Variants in PTPRG observed in about 807,000 individuals in gnomAD.
The protein encoded by PTPRG is receptor-type tyrosine-protein phosphatase gamma.
In PTPRG, 102 loss-of-function variants were observed where a neutral mutation model predicts 165.3. The observed-to-expected ratio is 0.62, with a 90% CI of 0.53 to 0.73. PTPRG has a LOEUF of 0.73. Ranked by LOEUF, PTPRG falls within the 30% of genes least tolerant of loss-of-function variation. The pLI is 0.00. For synonymous variants in PTPRG, 675 were observed against 669.5 expected, an observed-to-expected ratio of 1.01 and a Z score of -0.13; for missense variants, 1,866 against 1,861.4, an observed-to-expected ratio of 1.00 and a Z score of -0.05.
At chr3:62,257,039 G>A (rs926971971) in intron 16 of PTPRG, among the ~76,000 whole-genome samples, 2 of 151,172 alleles carry the variant, frequency 1.3e-5, no homozygotes, top group Admixed American at 6.6e-5. Context: ...GAAGGTGAAA[G>A]GGCTGTTGTG....
At chr3:61,791,036 G>GT (rs1188642913) in intron 2 of PTPRG, among the ~76,000 whole-genome samples, 1 of 152,126 alleles carries the variant, frequency 6.6e-6, no homozygotes, top group East Asian at 1.9e-4. Context: ...TCGGTTAACA[G>GT]TTTAAAACAA....
At chr3:61,908,156 G>T (rs1301110904) in intron 2 of PTPRG, among the ~76,000 whole-genome samples, 1 of 144,612 alleles carries the variant, frequency 6.9e-6, no homozygotes, top group South Asian at 2.2e-4. Context: ...AAAATCGGCC[G>T]GGCTCACGCC....
At chr3:61,835,837 T>A (rs1011715020) in intron 2 of PTPRG, among the ~76,000 whole-genome samples, 8 of 151,688 alleles carry the variant, frequency 5.3e-5, no homozygotes, top group African/African-American at 1.7e-4. Flanking sequence ...GGTCAGGAGT[T>A]CGAGATCAGC....
chr3:62,133,796 C>G (rs973988010), intron 6 of PTPRG, among the ~76,000 whole-genome samples: 2 of 151,958 alleles, frequency 1.3e-5, no homozygotes, highest in African/African-American at 4.8e-5. Flanking sequence ...ACCAGCCTGG[C>G]CAACATGGTG....
chr3:61,738,285 TATATATATATATATATATATATATATAC>T lies in PTPRG; in HGVS notation c.86-10568_86-10541del, dbSNP rs1405837906. ...ATATATATATATATATATACATATA[TATATATATATATATATATATATATATAC>T]ATATATATATATATATATATATATG... On this transcript the variant is annotated intron_variant, in intron 1 of 29. Transcript: ENST00000474889. Among the ~76,000 whole-genome samples, 220 of 71,744 alleles carry T rather than the reference TATATATATATATATATATATATATATAC, an allele frequency of 3.1e-3. 5 individuals carry two copies. The highest frequency in any genetic ancestry group is 0.013 in the South Asian group (25 of 1,856). 47.1% of individuals were successfully genotyped at this position (71,744 alleles called of 152,430 possible).
intron 2 of PTPRG, among the ~76,000 whole-genome samples, chr3:61,931,116 C>T (rs1351493178): frequency 2.6e-5 from 4 of 152,142 alleles, no homozygotes; most frequent in Non-Finnish European, 4.4e-5. Context: ...TGCTGTGGTT[C>T]CTGCAGCCTC....
chr3:61,721,971 A>C (rs2032065904), intron 1 of PTPRG, among the ~76,000 whole-genome samples: 1 of 152,170 alleles, frequency 6.6e-6, no homozygotes, highest in Admixed American at 6.5e-5. Context: ...ATGCAGCAAC[A>C]TGAAGTGTTG....
chr3:62,270,968 C>T (rs1437643909), intron 20 of PTPRG, among the ~76,000 whole-genome samples: 1 of 152,038 alleles, frequency 6.6e-6, no homozygotes, highest in Non-Finnish European at 1.5e-5. Flanking sequence ...CACTCTGGCT[C>T]CTAAAGGTCC....
chr3:61,887,119 CATGCATATAT>C (rs1432032460), intron 2 of PTPRG, among the ~76,000 whole-genome samples: 3,830 of 103,026 alleles, frequency 0.037, 285 homozygotes, highest in Middle Eastern at 0.06. Flanking sequence ...ATAACCATAG[CATGCATATAT>C]ATATATATAT....
chr3:62,086,268 T>A (rs1321996584), intron 5 of PTPRG, among the ~76,000 whole-genome samples: 1 of 143,898 alleles, frequency 6.9e-6, no homozygotes, highest in Non-Finnish European at 1.5e-5. Context: ...TCTATCGTGT[T>A]ATGGTTTTAA....
At chr3:62,082,718 G>T (rs1352578540) in intron 5 of PTPRG, among the ~76,000 whole-genome samples, 1 of 152,224 alleles carries the variant, frequency 6.6e-6, no homozygotes, top group Non-Finnish European at 1.5e-5. Context: ...GTCAGTCTCA[G>T]TGCTAAAAGG....
intron 2 of PTPRG, among the ~76,000 whole-genome samples, chr3:61,886,889 G>C (rs1356987453): frequency 2.0e-5 from 3 of 150,608 alleles, no homozygotes; most frequent in African/African-American, 4.9e-5. Context: ...TGCTGTTAGA[G>C]AATTGATCAG....
chr3:62,086,181 G>A (rs1248683403), intron 5 of PTPRG, among the ~76,000 whole-genome samples: 1 of 151,904 alleles, frequency 6.6e-6, no homozygotes, highest in African/African-American at 2.4e-5. Context: ...TTTATTTATG[G>A]TGACCTAAAT....
At chr3:62,269,648 A>G (rs1157239144) in intron 20 of PTPRG, among the ~76,000 whole-genome samples, 1 of 152,190 alleles carries the variant, frequency 6.6e-6, no homozygotes, top group Non-Finnish European at 1.5e-5. Context: ...AGTGAACATA[A>G]GTGACCAGAG....
At chr3:61,569,176 GTTAATGC>G (rs1401503778) in intron 1 of PTPRG, among the ~76,000 whole-genome samples, 9 of 152,170 alleles carry the variant, frequency 5.9e-5, no homozygotes, top group Admixed American at 2.0e-4. Context: ...CCTGGAACTT[GTTAATGC>G]TTTTCTATTT....
At chr3:61,970,552 A>G (rs528515357) in intron 2 of PTPRG, among the ~76,000 whole-genome samples, 1 of 152,316 alleles carries the variant, frequency 6.6e-6, no homozygotes, top group South Asian at 2.1e-4. Flanking sequence ...TATGCAACAC[A>G]TTACCTATAA....
rs891668088 is a variant in PTPRG at position 62,215,825 on chromosome 3, G to A, written c.2156-3026G>A. ...GAGATGCCCCTGTGGCTTGAGGGAC[G>A]ATATAATGTGCCACTGATCCACACA... On this transcript the variant is annotated intron_variant, in intron 12 of 29. Coordinates refer to ENST00000474889, the MANE Select transcript of PTPRG (RefSeq NM_002841.4). Among the ~76,000 whole-genome samples, 4 of 151,890 alleles carry A rather than the reference G, an allele frequency of 2.6e-5. 1 individual carries two copies. The highest frequency in any genetic ancestry group is 9.7e-5 in the African/African-American group (4 of 41,360).
chr3:62,087,814 G>C (rs1425615543), intron 5 of PTPRG, among the ~76,000 whole-genome samples: 2 of 152,138 alleles, frequency 1.3e-5, no homozygotes, highest in African/African-American at 4.8e-5. Flanking sequence ...AGGCCTCTCA[G>C]TTTTGCTGAT....
intron 1 of PTPRG, among the ~76,000 whole-genome samples, chr3:61,567,629 G>A (rs1699945220): frequency 7.0e-6 from 1 of 143,102 alleles, no homozygotes; most frequent in Non-Finnish European, 1.5e-5. Context: ...TCATGCCACT[G>A]CACTCCAGCT....
Sources: gnomAD v4.1 joint callset for allele counts (sites outside exome capture counted in the v4.1 genomes callset) on GRCh38, gnomAD v4.1.1 for gene constraint, MANE v1.5 for transcripts, NCBI Gene and HGNC (gene_info 2026-07-23, HGNC 2026-07-21) for gene names.